DAAM2: variants seen among roughly 807,000 people sequenced by gnomAD.
The protein encoded by DAAM2 is dishevelled associated activator of morphogenesis 2, also known as disheveled-associated activator of morphogenesis 2.
Under a neutral mutation model 120.7 loss-of-function variants are expected in DAAM2, and 39 were observed. The ratio of observed to expected loss-of-function variants is 0.32; its 90% CI spans 0.25 to 0.42. DAAM2 has a LOEUF of 0.42. Ranked by LOEUF, DAAM2 falls within the 10% of genes least tolerant of loss-of-function variation. The probability of loss-of-function intolerance (pLI) is 1.00; values close to 1 mark genes in which losing one functional copy is unlikely to be tolerated. For synonymous variants in DAAM2, 488 were observed against 524.9 expected (o/e 0.93, Z 0.96); for missense variants, 1,283 against 1,401.7 (o/e 0.92, Z 1.35).
intron 1 of DAAM2, among the ~76,000 whole-genome samples, chr6:39,849,232 A>G (rs554027086): frequency 6.0e-4 from 92 of 152,344 alleles, no homozygotes; most frequent in African/African-American, 2.1e-3. Context: ...GACAATACTT[A>G]AATGAATGTG....
At chr6:39,819,716 C>G (rs1397011459) in intron 1 of DAAM2, 1 of 152,230 alleles carries the variant, frequency 6.6e-6, no homozygotes, top group African/African-American at 2.4e-5. Flanking sequence ...GCTTATTTCT[C>G]ACAGTTCTGG....
At chr6:39,804,527 TGTG>T (rs1470804277) in intron 1 of DAAM2, among the ~76,000 whole-genome samples, 1 of 124,286 alleles carries the variant, frequency 8.0e-6, no homozygotes, top group Non-Finnish European at 1.9e-5. Flanking sequence ...CAGTTCTGTG[TGTG>T]TGTGTGTGTG....
rs113737667 is a variant in DAAM2 at position 39,832,762 on chromosome 6, T to A, written c.-56-23485T>A. Reference sequence around the variant, plus strand: ...CCTGGGGGCTGCAGGGTTTCTGCAGTTCTCCACGGAGCTGTACCTTGCTCT... The same window carrying A: ...CCTGGGGGCTGCAGGGTTTCTGCAGATCTCCACGGAGCTGTACCTTGCTCT... On this transcript the variant is annotated intron_variant, in intron 1 of 24. Transcript: ENST00000274867. 4.2e-3 allele frequency among the ~76,000 whole-genome samples: 639 copies of A among 152,252 alleles called. 4 individuals are homozygous for A. Among genetic ancestry groups the A allele is most frequent in the African/African-American group, 0.014 (583 of 41,550 alleles).
At chr6:39,824,724 C>A (rs1289468154) in intron 1 of DAAM2, among the ~76,000 whole-genome samples, 2 of 152,110 alleles carry the variant, frequency 1.3e-5, no homozygotes, top group Non-Finnish European at 2.9e-5. Context: ...GGAGAGGACC[C>A]ACTGGTGCCT....
chr6:39,827,454 C>CG (rs959755572), intron 1 of DAAM2, among the ~76,000 whole-genome samples: 115 of 152,056 alleles, frequency 7.6e-4, no homozygotes, highest in African/African-American at 2.7e-3. Context: ...TGAAGTGGGG[C>CG]GGGGGTAGTC....
Position 39,878,128 on chromosome 6 carries a change from A to G in DAAM2, c.1302-75A>G, listed in dbSNP as rs1764946628. ...ACCAGGGTCCCCACCTGGAGGGTAG[A>G]AAGATGATGTCTCCTGGGAAGCTGT... On this transcript the variant is annotated intron_variant, in intron 11 of 24. Coordinates refer to ENST00000274867, the MANE Select transcript of DAAM2 (RefSeq NM_001201427.2). This position sits in a 1 kb window ranked among gnomAD's most constrained non-coding sequence, Gnocchi z 5.0. The G allele has an allele frequency of 3.3e-6, 5 of 1,534,682 alleles. No individual in the cohort carries two copies. The highest frequency in any genetic ancestry group is 4.5e-6 in the Non-Finnish European group (5 of 1,117,926).
chr6:39,902,053 A>C lies in DAAM2; in HGVS notation c.*16A>C. On this transcript the variant is annotated 3_prime_UTR_variant, in exon 25 of 25. Transcript: ENST00000274867. ...AAATTATTGACCTGGGGAACTAGCC[A>C]CACAGGAGGCCGGGAGACAGGGACT... The C allele has an allele frequency of 6.3e-7, 1 of 1,584,352 alleles. No individual in the cohort carries two copies. The highest frequency in any genetic ancestry group is 1.1e-5 in the South Asian group (1 of 87,802).
chr6:39,881,503 G>A (rs1044322005), intron 14 of DAAM2, among the ~76,000 whole-genome samples: 3 of 152,146 alleles, frequency 2.0e-5, no homozygotes, highest in African/African-American at 4.8e-5. Context: ...CAGATCACAA[G>A]GTCAGGAGTT....
chr6:39,845,268 C>T lies in DAAM2; in HGVS notation c.-56-10979C>T, dbSNP rs549848242. On this transcript the variant is annotated intron_variant, in intron 1 of 24. Transcript: ENST00000274867. ...ACACACATATCGCACATACACACCA[C>T]ACATACACAAACCCCATCTATACAC... is the stretch of plus-strand genomic sequence containing the variant. Among the ~76,000 whole-genome samples, 6 of 73,942 alleles carry T rather than the reference C, an allele frequency of 8.1e-5. No individual in the cohort carries two copies. In the East Asian group the frequency reaches 2.0e-3, roughly 24 times the overall value. 48.5% of individuals were successfully genotyped at this position (73,942 alleles called of 152,430 possible). A position where few individuals can be genotyped will look rare whatever the true frequency, so the allele number is the denominator to read the frequency against.
intron 1 of DAAM2, among the ~76,000 whole-genome samples, chr6:39,825,328 G>C (rs1400271981): frequency 1.3e-5 from 2 of 151,728 alleles, no homozygotes; most frequent in Non-Finnish European, 2.9e-5. Context: ...GGTGGAGGTT[G>C]CAGCGAACTG....
chr6:39,858,719 C>T (rs182251755), intron 2 of DAAM2, among the ~76,000 whole-genome samples: 28 of 152,238 alleles, frequency 1.8e-4, no homozygotes, highest in African/African-American at 6.0e-4. Flanking sequence ...ATAGTAGAGA[C>T]GTACTGGAGA....
intron 1 of DAAM2, among the ~76,000 whole-genome samples, chr6:39,797,027 A>G (rs1421300058): frequency 1.3e-5 from 2 of 152,230 alleles, no homozygotes; most frequent in Non-Finnish European, 2.9e-5. Flanking sequence ...AAGGATTAAC[A>G]ACTGTGCTTG....
At chr6:39,852,876 G>T (rs770080360) in intron 1 of DAAM2, among the ~76,000 whole-genome samples, 2 of 152,192 alleles carry the variant, frequency 1.3e-5, no homozygotes, top group Non-Finnish European at 1.5e-5. Context: ...GAGGAATTAG[G>T]GTTCAGATGA....
intron 1 of DAAM2, among the ~76,000 whole-genome samples, chr6:39,811,196 T>C (rs1762150731): frequency 6.6e-6 from 1 of 151,666 alleles, no homozygotes; most frequent in Non-Finnish European, 1.5e-5. Context: ...TGTGTGTGTG[T>C]GTGTGTGTGT....
chr6:39,823,454 C>A (rs1562005304), intron 1 of DAAM2, among the ~76,000 whole-genome samples: 2 of 152,320 alleles, frequency 1.3e-5, no homozygotes, highest in East Asian at 3.9e-4. Context: ...AAAACGAAGA[C>A]TCTTGAGTTC....
intron 14 of DAAM2, among the ~76,000 whole-genome samples, chr6:39,883,339 T>G (rs1244415009): frequency 6.6e-6 from 1 of 152,086 alleles, no homozygotes; most frequent in Non-Finnish European, 1.5e-5. Flanking sequence ...CTTCCCTGGC[T>G]CTGACCAAAG....
intron 1 of DAAM2, among the ~76,000 whole-genome samples, chr6:39,809,411 G>T: frequency 6.6e-6 from 1 of 152,178 alleles, no homozygotes; most frequent in South Asian, 2.1e-4. Context: ...TACCAGGGCT[G>T]CTTATAGACC....
Position 39,904,428 on chromosome 6 carries a change from AGGTT to A in DAAM2, c.*2393_*2396del. On this transcript the variant is annotated 3_prime_UTR_variant, in exon 25 of 25. Transcript: ENST00000274867. The stretch of plus-strand genomic sequence containing the variant: ...CGGGGTGGCTGAGCTGGTCCTTAAT[AGGTT>A]GTTTCTTGGTCTTGCTTTCTTCATG... 2.2e-6 allele frequency: 1 copy of A among 455,012 alleles called. No homozygotes were observed. Among genetic ancestry groups the A allele is most frequent in the Non-Finnish European group, 4.4e-6 (1 of 226,968 alleles). 28.2% of individuals were successfully genotyped at this position (455,012 alleles called of 1,614,324 possible). A position where few individuals can be genotyped will look rare whatever the true frequency, so the allele number is the denominator to read the frequency against.
chr6:39,798,707 T>C (rs1357518858), intron 1 of DAAM2, among the ~76,000 whole-genome samples: 1 of 152,140 alleles, frequency 6.6e-6, no homozygotes, highest in Non-Finnish European at 1.5e-5. Context: ...GTATACATAG[T>C]TCTTTCTACC....
Sources: gnomAD v4.1 joint callset for allele counts (sites outside exome capture counted in the v4.1 genomes callset) on GRCh38, gnomAD v4.1.1 for gene constraint, Gnocchi (gnomAD v3.1) non-coding constraint, MANE v1.5 for transcripts, NCBI Gene and HGNC (gene_info 2026-07-23, HGNC 2026-07-21) for gene names.